The following WDR70 variants were observed in gnomAD, a reference collection of about 807,000 sequenced individuals.
WDR70 encodes WD repeat domain 70, also known as WD repeat-containing protein 70.
Under a neutral mutation model 88.6 loss-of-function variants are expected in WDR70, and 53 were observed. The observed-to-expected ratio is 0.60, with a 90% confidence interval of 0.48 to 0.75. The LOEUF is 0.75. Ranked by LOEUF, WDR70 falls within the 30% of genes least tolerant of loss-of-function variation. The pLI, the probability that WDR70 is intolerant of heterozygous loss-of-function variation, is 0.00. For synonymous variants in WDR70, 280 were observed against 270.0 expected, an observed-to-expected ratio of 1.04 and a Z score of -0.36; for missense variants, 610 against 823.2, an observed-to-expected ratio of 0.74 and a Z score of 3.17.
At chr5:37,562,447 T>TC (rs71798501) in intron 9 of WDR70, among the ~76,000 whole-genome samples, 58,245 of 111,860 alleles carry the variant, frequency 0.52, 13,061 homozygotes, top group Non-Finnish European at 0.6. Context: ...CTTAATTCTC[T>TC]TTTTTTTTTT....
chr5:37,637,479 A>G (rs931737906), intron 10 of WDR70, among the ~76,000 whole-genome samples: 1 of 152,094 alleles, frequency 6.6e-6, no homozygotes, highest in Non-Finnish European at 1.5e-5. Flanking sequence ...CCCTCATCTC[A>G]CACACCCACA....
chr5:37,606,894 TCCCC>T (rs1744044406), intron 10 of WDR70, among the ~76,000 whole-genome samples: 1 of 14,538 alleles, frequency 6.9e-5, no homozygotes, highest in African/African-American at 3.2e-4. Context: ...CCCCCTCCCC[TCCCC>T]TCCCCTCCCC....
chr5:37,624,316 G>T (rs75600530), intron 10 of WDR70, among the ~76,000 whole-genome samples: 1 of 151,954 alleles, frequency 6.6e-6, no homozygotes, highest in Non-Finnish European at 1.5e-5. Context: ...CTTTCTGTTC[G>T]CAGCTTATTT....
At chr5:37,632,688 T>C (rs1158347874) in intron 10 of WDR70, among the ~76,000 whole-genome samples, 1 of 152,188 alleles carries the variant, frequency 6.6e-6, no homozygotes, top group African/African-American at 2.4e-5. Context: ...TTTTAAAAAA[T>C]TAAAAGTTGA....
At chr5:37,528,609 C>T (rs1226694875) in intron 9 of WDR70, among the ~76,000 whole-genome samples, 4 of 140,840 alleles carry the variant, frequency 2.8e-5, no homozygotes, top group Non-Finnish European at 4.7e-5. Flanking sequence ...ACACATGTAC[C>T]CTAGAACTTA....
intron 10 of WDR70, among the ~76,000 whole-genome samples, chr5:37,647,658 G>A (rs978417985): frequency 1.3e-5 from 2 of 152,312 alleles, no homozygotes; most frequent in Admixed American, 6.5e-5. Context: ...GGTGATCTTG[G>A]ATAAGATCTG....
At chr5:37,678,083 G>A (rs1048405346) in intron 10 of WDR70, among the ~76,000 whole-genome samples, 1 of 152,020 alleles carries the variant, frequency 6.6e-6, no homozygotes, top group Non-Finnish European at 1.5e-5. Flanking sequence ...CCATTTGCTT[G>A]GTAGATCTTC....
At chr5:37,416,523 G>C (rs1485979953) in intron 5 of WDR70, among the ~76,000 whole-genome samples, 1 of 149,752 alleles carries the variant, frequency 6.7e-6, no homozygotes, top group Non-Finnish European at 1.5e-5. Context: ...GGGAGATCGT[G>C]GGGAGAGGGA....
At chr5:37,621,445 A>G (rs1344234970) in intron 10 of WDR70, among the ~76,000 whole-genome samples, 1 of 152,054 alleles carries the variant, frequency 6.6e-6, no homozygotes, top group Non-Finnish European at 1.5e-5. Context: ...AAGACACCCC[A>G]TACCTATTAA....
chr5:37,437,662 G>T (rs1750509524), intron 5 of WDR70, among the ~76,000 whole-genome samples: 2 of 152,096 alleles, frequency 1.3e-5, no homozygotes, highest in South Asian at 4.2e-4. Flanking sequence ...GACAATAAGA[G>T]ATAATTTTAT....
intron 10 of WDR70, among the ~76,000 whole-genome samples, chr5:37,616,573 A>C (rs1202184050): frequency 6.6e-6 from 1 of 152,098 alleles, no homozygotes; most frequent in Non-Finnish European, 1.5e-5. Flanking sequence ...ACTATCCAAC[A>C]TCCGTTGAAG....
intron 10 of WDR70, among the ~76,000 whole-genome samples, chr5:37,684,353 T>C (rs1257013534): frequency 1.3e-5 from 2 of 152,254 alleles, no homozygotes; most frequent in African/African-American, 4.8e-5. Flanking sequence ...TTCAGTCGTT[T>C]GGAGGAAAGA....
chr5:37,418,905 A>C (rs1267855620), intron 5 of WDR70, among the ~76,000 whole-genome samples: 1 of 152,006 alleles, frequency 6.6e-6, no homozygotes, highest in Non-Finnish European at 1.5e-5. Flanking sequence ...CTGGGATTAC[A>C]GGCACCTGCC....
chr5:37,715,264 C>T (rs1747621639), intron 13 of WDR70, among the ~76,000 whole-genome samples: 1 of 151,248 alleles, frequency 6.6e-6, no homozygotes, highest in African/African-American at 2.4e-5. Context: ...TTTCTTTTCA[C>T]CATTGCACTC....
At chr5:37,641,369 G>T (rs1442227634) in intron 10 of WDR70, among the ~76,000 whole-genome samples, 2 of 145,408 alleles carry the variant, frequency 1.4e-5, no homozygotes, top group Non-Finnish European at 3.0e-5. Context: ...ACCTCCCCAA[G>T]TGCTGGGATT....
intron 10 of WDR70, among the ~76,000 whole-genome samples, chr5:37,678,619 T>A (rs1295594536): frequency 1.3e-5 from 2 of 152,366 alleles, no homozygotes; most frequent in East Asian, 3.9e-4. Context: ...TCTGATGGGC[T>A]TCCCTTTGTG....
chr5:37,721,402 T>A, intron 14 of WDR70, 187 bp downstream of exon 14: 2 of 587,724 alleles, frequency 3.4e-6, no homozygotes, highest in South Asian at 2.2e-5. Flanking sequence ...ATATTGCCCT[T>A]GATCCACACT....
chr5:37,588,121 T>C (rs140870432), intron 9 of WDR70, among the ~76,000 whole-genome samples: 301 of 152,248 alleles, frequency 2.0e-3, no homozygotes, highest in African/African-American at 6.6e-3. Context: ...TAAAGATCAA[T>C]AGATAGATAC....
intron 9 of WDR70, among the ~76,000 whole-genome samples, chr5:37,573,283 T>C (rs1276451636): frequency 6.6e-6 from 1 of 152,206 alleles, no homozygotes; most frequent in African/African-American, 2.4e-5. Flanking sequence ...TACTGGGTCA[T>C]TTCAATCAAC....
Sources: gnomAD v4.1 joint callset for allele counts (sites outside exome capture counted in the v4.1 genomes callset) on GRCh38, gnomAD v4.1.1 for gene constraint, MANE v1.5 for transcripts, NCBI Gene and HGNC (gene_info 2026-07-23, HGNC 2026-07-21) for gene names.